GALNT13: variants seen among roughly 807,000 people sequenced by gnomAD.
The protein encoded by GALNT13 is UDP-GalNAc:polypeptide N-acetylgalactosaminyltransferase 13.
A neutral mutation model predicts 64.2 loss-of-function variants in GALNT13; 28 were observed. The observed-to-expected ratio is 0.44, with a 90% CI of 0.32 to 0.60. The LOEUF is 0.60. GALNT13 is among the 20% of genes least tolerant of loss of function. The pLI is 0.05. For missense variants in GALNT13, 577 were observed against 669.8 expected (o/e 0.86, Z 1.53); for synonymous variants, 214 against 224.6 (o/e 0.95, Z 0.42).
chr2:154,403,484 G>A (rs1699392170), intron 10 of GALNT13, among the ~76,000 whole-genome samples: 1 of 151,202 alleles, frequency 6.6e-6, no homozygotes, highest in Non-Finnish European at 1.5e-5. Flanking sequence ...GAAAAAAAAA[G>A]CTTTCAGATA....
the GALNT13 span, among the ~76,000 whole-genome samples, chr2:153,621,716 C>CA: frequency 6.6e-6 from 1 of 152,124 alleles, no homozygotes; most frequent in Admixed American, 6.6e-5. Context: ...GAGCCTCACC[C>CA]AGTACCCACC....
chr2:153,516,251 T>G, the GALNT13 span, among the ~76,000 whole-genome samples: 4 of 152,114 alleles, frequency 2.6e-5, no homozygotes, highest in African/African-American at 9.7e-5. Context: ...CTTTTTGGAG[T>G]ATGGATTCTC....
At chr2:153,236,387 A>C in the GALNT13 span, among the ~76,000 whole-genome samples, 1 of 152,128 alleles carries the variant, frequency 6.6e-6, no homozygotes, top group African/African-American at 2.4e-5. Context: ...GCCATCTAGG[A>C]CTTTCATAGC....
At chr2:153,421,982 A>C in the GALNT13 span, 1 of 154,706 alleles carries the variant, frequency 6.5e-6, no homozygotes, top group Non-Finnish European at 1.4e-5. Context: ...TAGAAAAGCA[A>C]AAGTCAGAAG....
At chr2:153,282,802 A>T in the GALNT13 span, among the ~76,000 whole-genome samples, 1 of 152,122 alleles carries the variant, frequency 6.6e-6, no homozygotes, top group Non-Finnish European at 1.5e-5. Flanking sequence ...AATTATTTTC[A>T]TACAGTAGGG....
At chr2:154,123,912 G>A (rs1009242630) in intron 3 of GALNT13, among the ~76,000 whole-genome samples, 1 of 152,018 alleles carries the variant, frequency 6.6e-6, no homozygotes, top group Non-Finnish European at 1.5e-5. Flanking sequence ...AGAGTACAAT[G>A]CATATTTTCT....
intron 9 of GALNT13, among the ~76,000 whole-genome samples, chr2:154,344,941 G>A (rs1423598561): frequency 6.6e-6 from 1 of 151,930 alleles, no homozygotes; most frequent in Non-Finnish European, 1.5e-5. Flanking sequence ...TCCAAGCACT[G>A]TGTGGCTAAA....
chr2:153,254,852 G>C, the GALNT13 span, among the ~76,000 whole-genome samples: 7 of 152,100 alleles, frequency 4.6e-5, no homozygotes, highest in Admixed American at 1.3e-4. Flanking sequence ...TATAATTTCT[G>C]TTCTTTTACA....
the GALNT13 span, among the ~76,000 whole-genome samples, chr2:153,657,927 A>G: frequency 6.6e-6 from 1 of 152,100 alleles, no homozygotes; most frequent in Non-Finnish European, 1.5e-5. Context: ...CAATTGATGT[A>G]GAAAATCCAG....
chr2:154,246,771 A>G (rs1157242986), intron 7 of GALNT13, among the ~76,000 whole-genome samples: 1 of 152,054 alleles, frequency 6.6e-6, no homozygotes, highest in Non-Finnish European at 1.5e-5. Flanking sequence ...AGAAACATAC[A>G]CTTTAAGTCC....
At chr2:153,697,986 G>T in the GALNT13 span, among the ~76,000 whole-genome samples, 2 of 151,996 alleles carry the variant, frequency 1.3e-5, no homozygotes, top group Non-Finnish European at 2.9e-5. Flanking sequence ...TTTCATATCC[G>T]GCCAAACTAA....
intron 3 of GALNT13, among the ~76,000 whole-genome samples, chr2:154,117,048 A>G (rs1391950874): frequency 2.6e-5 from 4 of 152,202 alleles, no homozygotes; most frequent in African/African-American, 9.6e-5. Context: ...GGAAGCATCC[A>G]GCATGGGAGA....
chr2:153,098,640 T>C, the GALNT13 span, among the ~76,000 whole-genome samples: 3 of 152,342 alleles, frequency 2.0e-5, no homozygotes, highest in East Asian at 5.8e-4. Context: ...TTCATCTTAA[T>C]TGCTATATAG....
At chr2:153,285,908 AGGAG>A in the GALNT13 span, among the ~76,000 whole-genome samples, 1 of 152,128 alleles carries the variant, frequency 6.6e-6, no homozygotes, top group Non-Finnish European at 1.5e-5. Context: ...GCTAGAAAAA[AGGAG>A]TGAAACTTAA....
chr2:154,420,465 C>A (rs1700201553), intron 11 of GALNT13, among the ~76,000 whole-genome samples: 1 of 152,072 alleles, frequency 6.6e-6, no homozygotes. Flanking sequence ...TAGTTTTCTC[C>A]TGTTTTATGC....
the GALNT13 span, among the ~76,000 whole-genome samples, chr2:153,242,938 C>T: frequency 4.6e-5 from 7 of 152,240 alleles, no homozygotes; most frequent in African/African-American, 1.7e-4. Context: ...ATTGCATTAG[C>T]TGATGGTTTT....
the GALNT13 span, among the ~76,000 whole-genome samples, chr2:153,721,350 C>A: frequency 7.2e-6 from 1 of 139,440 alleles, no homozygotes; most frequent in Non-Finnish European, 1.5e-5. Context: ...CCAGCCGCTG[C>A]AAAATCATGC....
At chr2:154,384,407 G>C (rs1376651537) in intron 9 of GALNT13, among the ~76,000 whole-genome samples, 3 of 151,762 alleles carry the variant, frequency 2.0e-5, no homozygotes, top group Non-Finnish European at 4.4e-5. Context: ...AATATAAGCA[G>C]ATTGTAAATA....
At chr2:153,861,644 G>A in the GALNT13 span, among the ~76,000 whole-genome samples, 6 of 143,718 alleles carry the variant, frequency 4.2e-5, no homozygotes, top group South Asian at 4.3e-4. Context: ...CTGGCTCATC[G>A]CAACCTCTGC....
Sources: gnomAD v4.1 joint callset for allele counts (sites outside exome capture counted in the v4.1 genomes callset) on GRCh38, gnomAD v4.1.1 for gene constraint, MANE v1.5 for transcripts, NCBI Gene and HGNC (gene_info 2026-07-23, HGNC 2026-07-21) for gene names.